Variants in ANO4 observed in about 807,000 individuals in gnomAD.
The protein encoded by ANO4 is anoctamin-4.
In ANO4, 69 loss-of-function variants were observed where a neutral mutation model predicts 141.9. That is an observed-to-expected ratio of 0.49 (90% confidence interval 0.40 to 0.59). The LOEUF is 0.59. ANO4 is among the 20% of genes least tolerant of loss of function. The pLI is 0.00. For synonymous variants in ANO4, 350 were observed against 394.3 expected (o/e 0.89, Z 1.33); for missense variants, 894 against 1,162.2 (o/e 0.77, Z 3.36).
intron 6 of ANO4, 182 bp from the exon 7 acceptor site, chr12:100,974,663 A>G (rs1160008384): frequency 2.7e-5 from 19 of 705,316 alleles, no homozygotes; most frequent in South Asian, 7.4e-5. Flanking sequence ...ATAAGATTTC[A>G]TGACTCAAAA....
At chr12:100,867,614 A>T (rs111865195) in intron 1 of ANO4, among the ~76,000 whole-genome samples, 855 of 16,564 alleles carry the variant, frequency 0.052, 6 homozygotes, top group East Asian at 0.22. Flanking sequence ...TCTCTCTCTC[A>T]CACACACACA....
At chr12:101,037,211 TAG>T in intron 10 of ANO4, 61 bp downstream of exon 10, 2 of 1,527,170 alleles carry the variant, frequency 1.3e-6, no homozygotes, top group Non-Finnish European at 1.8e-6. Context: ...AGTCAGCTTC[TAG>T]AGATAGTCAA....
At chr12:100,752,581 T>TATATATA in intron 3 of ANO4, among the ~76,000 whole-genome samples, 1 of 152,148 alleles carries the variant, frequency 6.6e-6, no homozygotes. Context: ...TTTGGAAACC[T>TATATATA]TATAGGGGTC....
At chr12:100,819,148 T>C (rs1163120062) in intron 1 of ANO4, among the ~76,000 whole-genome samples, 1 of 151,764 alleles carries the variant, frequency 6.6e-6, no homozygotes, top group Non-Finnish European at 1.5e-5. Flanking sequence ...GTTTAAATGA[T>C]GCAATAGTAA....
In ANO4 at chr12:101,120,534, G is replaced by A. The variant is rs369120652; in HGVS notation, c.2585G>A (p.Arg862His). 16 of 1,613,776 alleles carry A rather than the reference G, an allele frequency of 9.9e-6. No homozygotes were observed. Among genetic ancestry groups the A allele is most frequent in the Middle Eastern group, 1.6e-4 (1 of 6,080 alleles). Residue 862 changes from arginine (R) to histidine (H), a missense_variant, in exon 26 of 28, where the codon CGT becomes CAT. Physicochemically the swap from Arg to His is conservative, Grantham distance 29. This residue lies in a region of ANO4 where 637 missense variants were observed against 909.2 expected (regional missense o/e 0.70). Coordinates refer to ENST00000392977, the MANE Select transcript of ANO4 (RefSeq NM_001286615.2). ...TGTCTTTATAGATACCGGGACTACC[G>A]TGACCCGCCTCATTCACTGGTGCCC... ...PLKYCRYRDY[R>H]DPPHSLVPYG...
intron 8 of ANO4, among the ~76,000 whole-genome samples, chr12:100,992,003 G>T (rs1247133100): frequency 5.9e-5 from 9 of 152,084 alleles, no homozygotes; most frequent in African/African-American, 2.2e-4. Flanking sequence ...AGCTATTCTA[G>T]ACACCTCTCT....
chr12:100,860,861 G>A (rs745696786), intron 1 of ANO4, among the ~76,000 whole-genome samples: 9 of 152,194 alleles, frequency 5.9e-5, no homozygotes, highest in Non-Finnish European at 1.0e-4. Context: ...ATCACAGTGT[G>A]TCCAGAGTTC....
intron 1 of ANO4, among the ~76,000 whole-genome samples, chr12:100,887,800 A>G (rs1470666630): frequency 6.6e-6 from 1 of 152,186 alleles, no homozygotes; most frequent in Non-Finnish European, 1.5e-5. Context: ...ATAAACTTAC[A>G]ATTGCCTACT....
intron 11 of ANO4, among the ~76,000 whole-genome samples, chr12:101,042,116 AT>A (rs1184970177): frequency 6.6e-6 from 1 of 152,124 alleles, no homozygotes; most frequent in Non-Finnish European, 1.5e-5. Context: ...CAACCATGTT[AT>A]TTTATGGAAG....
At chr12:100,961,968 G>T (rs2043444969) in intron 5 of ANO4, among the ~76,000 whole-genome samples, 2 of 152,174 alleles carry the variant, frequency 1.3e-5, no homozygotes. Flanking sequence ...TTGACATGGG[G>T]ATCACCAGGG....
intron 1 of ANO4, among the ~76,000 whole-genome samples, chr12:100,819,100 A>G (rs2035894291): frequency 6.8e-6 from 1 of 147,258 alleles, no homozygotes; most frequent in African/African-American, 2.4e-5. Flanking sequence ...AAATAACCTG[A>G]GTAATGACAT....
At chr12:100,834,481 G>T (rs548151505) in intron 1 of ANO4, among the ~76,000 whole-genome samples, 3 of 152,220 alleles carry the variant, frequency 2.0e-5, no homozygotes, top group Admixed American at 6.5e-5. Context: ...GAAGAGCATA[G>T]ATTGTAATTA....
intron 15 of ANO4, among the ~76,000 whole-genome samples, chr12:101,080,883 T>TATATATATATATA (rs1491584060): frequency 1.4e-5 from 1 of 74,072 alleles, no homozygotes. Context: ...TATATATATA[T>TATATATATATATA]TATATATATA....
intron 1 of ANO4, among the ~76,000 whole-genome samples, chr12:100,829,085 C>A (rs957757918): frequency 1.3e-4 from 19 of 151,752 alleles, no homozygotes; most frequent in African/African-American, 4.4e-4. Context: ...GTGTGCTCTG[C>A]TGTTAGAGAT....
Position 100,813,973 on chromosome 12 carries a change from A to G in ANO4, c.-141+18946A>G, listed in dbSNP as rs140302190. Among the ~76,000 whole-genome samples the G allele has an allele frequency of 2.2e-3, 341 of 152,260 alleles. 1 individual carries two copies. The highest frequency in any genetic ancestry group is 7.5e-3 in the African/African-American group (311 of 41,574). On this transcript the variant is annotated intron_variant, in intron 1 of 27. Transcript: ENST00000392977. ...TGAAGACCACTCATCTACTGCATGT[A>G]ATATGGCTCTCAATCAGTCCTCTAG...
chr12:101,035,847 A>G (rs1008267885), intron 9 of ANO4, among the ~76,000 whole-genome samples: 2 of 152,166 alleles, frequency 1.3e-5, no homozygotes, highest in East Asian at 3.9e-4. Context: ...ACTGGGGCCT[A>G]CTTGAGGGTG....
chr12:101,120,559 C>A lies in ANO4; in HGVS notation c.2610C>A (p.Pro870=). Residue 870 remains proline (P), a synonymous_variant, in exon 26 of 28, where the codon CCC becomes CCA. Transcript: ENST00000392977. ...GTGACCCGCCTCATTCACTGGTGCC[C>A]TATGGCTACACACTGCAGTTTTGGC... ...DYRDPPHSLV[P]YGYTLQFWHV... is the part of the protein sequence containing the mutation. 6.2e-7 allele frequency: 1 copy of A among 1,614,058 alleles called. No homozygotes were observed. The highest frequency in any genetic ancestry group is 8.5e-7 in the Non-Finnish European group (1 of 1,179,996).
At chr12:100,876,134 G>C (rs192861011) in intron 1 of ANO4, among the ~76,000 whole-genome samples, 1 of 152,060 alleles carries the variant, frequency 6.6e-6, no homozygotes, top group Admixed American at 6.5e-5. Context: ...TTTATTTTTC[G>C]CCAGGCCCTA....
Position 101,020,405 on chromosome 12 carries a change from G to A in ANO4, c.841+265G>A, listed in dbSNP as rs140038297. On this transcript the variant is annotated intron_variant, in intron 9 of 27. Coordinates refer to ENST00000392977, the MANE Select transcript of ANO4 (RefSeq NM_001286615.2). ...ATGTTGTGTGCCAGGCACTGAACTA[G>A]ATGTTGGGGAGATATGCATAGTTCT... Among the ~76,000 whole-genome samples the A allele has an allele frequency of 8.5e-3, 1,298 of 152,334 alleles. 12 individuals are homozygous for A. Among genetic ancestry groups the A allele is most frequent in the Non-Finnish European group, 0.015 (990 of 68,032 alleles).
Sources: allele counts gnomAD v4.1 joint callset (sites outside exome capture counted in the v4.1 genomes callset), GRCh38; gene constraint gnomAD v4.1.1; regional missense constraint gnomAD v4.1.1; transcripts MANE v1.5; gene names NCBI Gene and HGNC (gene_info 2026-07-23, HGNC 2026-07-21).